TASP1: variants seen among roughly 807,000 people sequenced by gnomAD.
The protein encoded by TASP1 is taspase 1.
TASP1 carries 16 observed loss-of-function variants against 56.6 expected under a neutral mutation model. The observed-to-expected ratio is 0.28, with a 90% CI of 0.19 to 0.43. The LOEUF (loss-of-function observed/expected upper bound fraction) is 0.43. TASP1 is among the 20% of genes least tolerant of loss of function. The pLI is 1.00. For missense variants in TASP1, 393 were observed against 511.6 expected, an observed-to-expected ratio of 0.77 and a Z score of 2.24; for synonymous variants, 179 against 184.2, an observed-to-expected ratio of 0.97 and a Z score of 0.23.
Position 13,411,487 on chromosome 20 carries a change from C to T in TASP1, c.1170+5961G>A, listed in dbSNP as rs941139756. 3.3e-5 allele frequency among the ~76,000 whole-genome samples: 5 copies of T among 152,174 alleles called. No individual in the cohort carries two copies. In the East Asian group the frequency reaches 9.6e-4, roughly 29 times the overall value. On this transcript the variant is annotated intron_variant, in intron 13 of 13. Transcript: ENST00000337743. ...TCAGTGTTTTGTAGCCTTCCTAGTA[C>T]AGGTCTTTCATCTCCTTGGTTAAAT...
At chr20:13,552,210 G>T (rs1014538187) in intron 8 of TASP1, among the ~76,000 whole-genome samples, 2 of 151,956 alleles carry the variant, frequency 1.3e-5, no homozygotes, top group African/African-American at 4.8e-5. Flanking sequence ...AAACTCCCCC[G>T]CCATCTCCTT....
chr20:13,430,201 C>T (rs190186454), intron 12 of TASP1, among the ~76,000 whole-genome samples: 43 of 152,304 alleles, frequency 2.8e-4, no homozygotes, highest in African/African-American at 1.0e-3. Flanking sequence ...GTCATTACAG[C>T]TCATTAGACG....
intron 10 of TASP1, among the ~76,000 whole-genome samples, chr20:13,505,667 G>T (rs1318058103): frequency 1.3e-5 from 2 of 151,910 alleles, no homozygotes; most frequent in African/African-American, 2.4e-5. Context: ...AGAAACAATG[G>T]GTCAAGGAAG....
At chr20:13,637,214 A>G (rs2049341385) in intron 1 of TASP1, among the ~76,000 whole-genome samples, 2 of 152,250 alleles carry the variant, frequency 1.3e-5, no homozygotes, top group Non-Finnish European at 2.9e-5. Flanking sequence ...TATAAGCACT[A>G]AGACTGCTAT....
the TASP1 span, among the ~76,000 whole-genome samples, chr20:13,304,212 G>T: frequency 6.6e-6 from 1 of 152,320 alleles, no homozygotes; most frequent in Non-Finnish European, 1.5e-5. Flanking sequence ...CTGCAAGGGA[G>T]ACTGGGAAAT....
chr20:13,452,693 T>C lies in TASP1; in HGVS notation c.986-17539A>G, dbSNP rs144750918. Among the ~76,000 whole-genome samples, 114 of 151,944 alleles carry C rather than the reference T, an allele frequency of 7.5e-4. 1 individual carries two copies. The highest frequency in any genetic ancestry group is 3.7e-3 in the East Asian group (19 of 5,138). On this transcript the variant is annotated intron_variant, in intron 11 of 13. Coordinates refer to ENST00000337743, the MANE Select transcript of TASP1 (RefSeq NM_017714.3). ...AAATAAATGAGAAGCTATTGAGCTA[T>C]TGGAATCTGAGAAGGGCATACTCAC... is the stretch of plus-strand genomic sequence containing the variant.
the TASP1 span, among the ~76,000 whole-genome samples, chr20:13,321,907 C>T: frequency 6.6e-6 from 1 of 152,114 alleles, no homozygotes; most frequent in Non-Finnish European, 1.5e-5. Context: ...GCTATGTGAC[C>T]TTGAGCAAGG....
chr20:13,513,410 G>C (rs981029103), intron 10 of TASP1, among the ~76,000 whole-genome samples: 2 of 150,006 alleles, frequency 1.3e-5, no homozygotes, highest in East Asian at 2.0e-4. Context: ...AAGAGGGAGG[G>C]AGGGAGGGAG....
At chr20:13,160,795 A>T in the TASP1 span, among the ~76,000 whole-genome samples, 1 of 152,238 alleles carries the variant, frequency 6.6e-6, no homozygotes, top group East Asian at 1.9e-4. Flanking sequence ...CAACACATAT[A>T]ATACCAGACA....
chr20:13,473,229 T>G (rs2044586583), intron 11 of TASP1, among the ~76,000 whole-genome samples: 1 of 151,750 alleles, frequency 6.6e-6, no homozygotes, highest in South Asian at 2.1e-4. Flanking sequence ...CAGCAAACTA[T>G]TGCAAGGACA....
rs568670766 is a variant in TASP1 at position 13,441,665 on chromosome 20, A to G, written c.986-6511T>C. Among the ~76,000 whole-genome samples, 7 of 152,306 alleles carry G rather than the reference A, an allele frequency of 4.6e-5. No homozygotes were observed. In the South Asian group the frequency reaches 1.5e-3, roughly 32 times the overall value. On this transcript the variant is annotated intron_variant, in intron 11 of 13. Transcript: ENST00000337743. ...GTGATAACATTTATCTGGACTTGTA[A>G]AAGTTACTTAGCTGTGCAGAATGTA...
the TASP1 span, among the ~76,000 whole-genome samples, chr20:13,185,526 G>C: frequency 6.6e-6 from 1 of 152,206 alleles, no homozygotes. Flanking sequence ...AGGAGATATG[G>C]TCACTACATG....
the TASP1 span, among the ~76,000 whole-genome samples, chr20:13,384,044 CAT>C: frequency 2.6e-5 from 4 of 152,134 alleles, no homozygotes; most frequent in African/African-American, 9.7e-5. Context: ...GAAAAGAACA[CAT>C]GTTTTTCTTA....
At chr20:13,273,417 G>A in the TASP1 span, among the ~76,000 whole-genome samples, 1 of 151,446 alleles carries the variant, frequency 6.6e-6, no homozygotes, top group Non-Finnish European at 1.5e-5. Flanking sequence ...TTTATTTTTT[G>A]AAGAGACCAG....
chr20:13,544,932 G>C (rs1024591918), intron 8 of TASP1, among the ~76,000 whole-genome samples: 1 of 152,150 alleles, frequency 6.6e-6, no homozygotes, highest in East Asian at 1.9e-4. Flanking sequence ...TAACAGTTGG[G>C]ATGGGCCACT....
chr20:13,422,323 C>G (rs1407291336), intron 12 of TASP1, among the ~76,000 whole-genome samples: 1 of 152,092 alleles, frequency 6.6e-6, no homozygotes, highest in Non-Finnish European at 1.5e-5. Flanking sequence ...GTAACATGCC[C>G]ATAAATTTCT....
chr20:13,383,571 T>C, the TASP1 span, among the ~76,000 whole-genome samples: 1 of 152,160 alleles, frequency 6.6e-6, no homozygotes, highest in Non-Finnish European at 1.5e-5. Context: ...GACCTAAACC[T>C]GTAGAAGGCC....
intron 11 of TASP1, among the ~76,000 whole-genome samples, chr20:13,459,884 T>G (rs957616243): frequency 6.6e-6 from 1 of 152,144 alleles, no homozygotes; most frequent in Non-Finnish European, 1.5e-5. Flanking sequence ...ACACACATCA[T>G]TAATTTGTCT....
At chr20:13,473,445 C>T (rs1166542496) in intron 11 of TASP1, among the ~76,000 whole-genome samples, 1 of 151,938 alleles carries the variant, frequency 6.6e-6, no homozygotes, top group Admixed American at 6.6e-5. Context: ...ATGTAACAAA[C>T]CTGCACATTG....
Sources: gnomAD v4.1 joint callset for allele counts (sites outside exome capture counted in the v4.1 genomes callset) on GRCh38, gnomAD v4.1.1 for gene constraint, MANE v1.5 for transcripts, NCBI Gene and HGNC (gene_info 2026-07-23, HGNC 2026-07-21) for gene names.